The following C14orf39 variants were observed in gnomAD, a reference collection of about 807,000 sequenced individuals.
The protein encoded by C14orf39 is chromosome 14 open reading frame 39.
In C14orf39, 66 loss-of-function variants were observed where a neutral mutation model predicts 85.6. That is an observed-to-expected ratio of 0.77 (90% confidence interval 0.63 to 0.95). C14orf39 has a LOEUF of 0.95. Ranked by LOEUF, C14orf39 falls within the 40% of genes least tolerant of loss-of-function variation. The pLI, the probability that C14orf39 is intolerant of heterozygous loss-of-function variation, is 0.00. For missense variants in C14orf39, 735 were observed against 663.9 expected (o/e 1.11, Z -1.18); for synonymous variants, 242 against 214.0 (o/e 1.13, Z -1.14).
Position 60,466,028 on chromosome 14 carries a change from TG to T in C14orf39, c.922del (p.Gln308SerfsTer48). The T allele has an allele frequency of 1.3e-6, 2 of 1,558,086 alleles. No homozygotes were observed. The highest frequency in any genetic ancestry group is 2.0e-5 in the Admixed American group (1 of 51,036). On this transcript the variant is annotated frameshift_variant, in exon 11 of 18. Coordinates refer to ENST00000321731, the MANE Select transcript of C14orf39 (RefSeq NM_174978.3). LOFTEE classifies it high-confidence loss of function. ...ADIKEESSAK[Q>X]SKLANIDFRQ... is the part of the protein sequence containing the mutation. Reference sequence around the variant, plus strand: ...AAAGTCAATATTGGCAAGCTTTGACTGCTTCGCAGAACTTTCTTCTTTTATA... The same window carrying T: ...AAAGTCAATATTGGCAAGCTTTGACTCTTCGCAGAACTTTCTTCTTTTATA...
At position 60,455,090 on chromosome 14, in the gene C14orf39, G is replaced by A. The variant is rs755404072; in HGVS notation, c.1414C>T (p.Leu472Phe). The A allele has an allele frequency of 6.3e-7, 1 of 1,575,776 alleles. No individual in the cohort carries two copies. The highest frequency in any genetic ancestry group is 8.6e-7 in the Non-Finnish European group (1 of 1,165,598). ...GAAGTATAACTCATAAGAAAAGAAAGTCCAGGGGATTCCTTTTCTGTTTGA... is the reference window on the plus strand; with the variant it reads ...GAAGTATAACTCATAAGAAAAGAAAATCCAGGGGATTCCTTTTCTGTTTGA... The part of the protein sequence containing the change: ...EVQTEKESPG[L>F]SFLMSYTSRS... The change falls in exon 16 of 18, where the codon CTT (leucine) becomes TTT (phenylalanine). Residue 472 changes from leucine to phenylalanine, a missense_variant. Coordinates refer to ENST00000321731, the MANE Select transcript of C14orf39 (RefSeq NM_174978.3).
intron 8 of C14orf39, among the ~76,000 whole-genome samples, chr14:60,468,829 C>T (rs1009991807): frequency 1.3e-5 from 2 of 151,366 alleles, no homozygotes; most frequent in Non-Finnish European, 3.0e-5. Context: ...AGGACAGTTA[C>T]CATATATTTT....
In C14orf39 at chr14:60,504,996, T is replaced by A. The variant is rs372789582; in HGVS notation, c.-143-5566A>T. On this transcript the variant is annotated intron_variant, in intron 1 of 5. Transcript: ENST00000556799. The stretch of plus-strand genomic sequence containing the variant: ...ACTTAACAATATAAACAATTCTGCA[T>A]CACTTTAAAATGTCATTTAAAAATA... 2.0e-5 allele frequency among the ~76,000 whole-genome samples: 3 copies of A among 152,330 alleles called. No homozygotes were observed. In the South Asian group the frequency reaches 6.2e-4, roughly 32 times the overall value.
intron 16 of C14orf39, among the ~76,000 whole-genome samples, chr14:60,446,211 T>C (rs1407716000): frequency 6.6e-6 from 1 of 151,896 alleles, no homozygotes; most frequent in Non-Finnish European, 1.5e-5. Context: ...ATAACTAAGA[T>C]CAGAGCAGAA....
chr14:60,495,254 C>T (rs1893052570), intron 2 of C14orf39: 1 of 217,128 alleles, frequency 4.6e-6, no homozygotes. Context: ...TCAATGTTCT[C>T]CACCAGTTGC....
chr14:60,457,501 AATTAC>A (rs1211968735), intron 14 of C14orf39, among the ~76,000 whole-genome samples: 1 of 152,004 alleles, frequency 6.6e-6, no homozygotes, highest in African/African-American at 2.4e-5. Flanking sequence ...CTCATTGATT[AATTAC>A]ATTTTCACAC....
Position 60,485,079 on chromosome 14 carries a change from C to T in C14orf39, c.-1G>A, listed in dbSNP as rs1892819550. 1 of 1,607,870 alleles carries T rather than the reference C, an allele frequency of 6.2e-7. No individual in the cohort carries two copies. Among genetic ancestry groups the T allele is most frequent in the African/African-American group, 1.3e-5 (1 of 74,286 alleles). On this transcript the variant is annotated 5_prime_UTR_variant, in exon 2 of 18. Coordinates refer to ENST00000321731, the MANE Select transcript of C14orf39 (RefSeq NM_174978.3). ...AACTGACAAACAGGCTGTCATTCATCTTGGATACTATGTTAAATGAAAAAA... is the reference window on the plus strand; with the variant it reads ...AACTGACAAACAGGCTGTCATTCATTTTGGATACTATGTTAAATGAAAAAA...
intron 5 of C14orf39, among the ~76,000 whole-genome samples, chr14:60,477,740 T>C (rs1260595914): frequency 2.6e-5 from 4 of 152,216 alleles, no homozygotes; most frequent in Admixed American, 2.0e-4. Context: ...CATTAATTGA[T>C]GGACTCTGCT....
At position 60,484,912 on chromosome 14, in the gene C14orf39, A is replaced by T. The variant is rs1435250218; in HGVS notation, c.75T>A (p.Ser25Arg). The T allele has an allele frequency of 6.4e-7, 1 of 1,570,328 alleles. No individual in the cohort carries two copies. Among genetic ancestry groups the T allele is most frequent in the Non-Finnish European group, 8.7e-7 (1 of 1,154,374 alleles). Residue 25 changes from serine (S) to arginine (R), a missense_variant, in exon 3 of 18, where the codon AGT becomes AGA. Transcript: ENST00000321731. This position sits in a 1 kb window ranked among gnomAD's most constrained non-coding sequence, Gnocchi z 4.2. ...EFVFQYEQDI[S>R]TKEEMIQRIN... ...TTCTTTGAATCATCTCTTCTTTAGTACTTATGTCTTGCTCATACTGGAAGA... is the reference window on the plus strand; with the variant it reads ...TTCTTTGAATCATCTCTTCTTTAGTTCTTATGTCTTGCTCATACTGGAAGA...
chr14:60,514,244 AG>A (rs759893118), intron 1 of C14orf39, among the ~76,000 whole-genome samples: 39 of 152,226 alleles, frequency 2.6e-4, no homozygotes, highest in South Asian at 6.2e-4. Context: ...GGGGAAAAAA[AG>A]TCCAGGTAAT....
At chr14:60,488,856 C>T (rs1892943284), upstream of C14orf39, among the ~76,000 whole-genome samples, 1 of 151,888 alleles carries the variant, frequency 6.6e-6, no homozygotes, top group Non-Finnish European at 1.5e-5. Context: ...TACTCTCTTC[C>T]ATACTTGGTT....
rs1355343449 is a variant in C14orf39, at chr14:60,483,694, C to T, written c.230G>A (p.Arg77Lys). ...KHSEEIKDNC[R>K]NWKPTCDVFR... ...ATTGATTCTTTCAAATACTCACTTTCTACAGTTGTCTTTAATCTCCTCACT... is the reference window on the plus strand; with the variant it reads ...ATTGATTCTTTCAAATACTCACTTTTTACAGTTGTCTTTAATCTCCTCACT... The change falls in exon 4 of 18, where the codon AGA becomes AAA. Residue 77 changes from arginine (R) to lysine (K), a missense_variant. Physicochemically the swap from Arg to Lys is conservative, Grantham distance 26. Coordinates refer to ENST00000321731, the MANE Select transcript of C14orf39 (RefSeq NM_174978.3). 3.2e-6 allele frequency: 5 copies of T among 1,583,438 alleles called. No individual in the cohort carries two copies. The highest frequency in any genetic ancestry group is 4.3e-6 in the Non-Finnish European group (5 of 1,167,416).
Position 60,456,940 on chromosome 14 carries a change from G to T in C14orf39, c.1335C>A (p.Phe445Leu), listed in dbSNP as rs116107793. The change falls in exon 15 of 18, where the codon TTC (phenylalanine) becomes TTA (leucine). Residue 445 changes from phenylalanine to leucine, a missense_variant. Phe to Leu is a conservative substitution (Grantham distance 22, BLOSUM62 0). Coordinates refer to ENST00000321731, the MANE Select transcript of C14orf39 (RefSeq NM_174978.3). Reference protein sequence around the residue: ...KAPESLEKIKFPKTPPFEINR... With the variant: ...KAPESLEKIKLPKTPPFEINR... ...ACATTTCGAACGGGGGGGTTTTAGG[G>T]AATTTTATTTTCTCCAATGACTCAG... 1,077 of 1,575,414 alleles carry T rather than the reference G, an allele frequency of 6.8e-4. 7 individuals carry two copies. In the African/African-American group the frequency reaches 0.013, roughly 19 times the overall value.
At chr14:60,443,541 A>T (rs1325087939) in intron 16 of C14orf39, among the ~76,000 whole-genome samples, 1 of 152,224 alleles carries the variant, frequency 6.6e-6, no homozygotes, top group Non-Finnish European at 1.5e-5. Flanking sequence ...GGGGGAGCCC[A>T]CCACAGCTCA....
upstream of C14orf39, among the ~76,000 whole-genome samples, chr14:60,489,878 C>A (rs993953852): frequency 1.3e-5 from 2 of 152,168 alleles, no homozygotes; most frequent in African/African-American, 4.8e-5. Flanking sequence ...CACAGTCTCC[C>A]TCCTCTTTTC....
intron 16 of C14orf39, among the ~76,000 whole-genome samples, chr14:60,454,041 T>C (rs1472377682): frequency 2.0e-5 from 3 of 151,912 alleles, no homozygotes; most frequent in African/African-American, 2.4e-5. Context: ...TAAGTAACTA[T>C]AGTCTACTTT....
intron 15 of C14orf39, among the ~76,000 whole-genome samples, chr14:60,456,128 AC>A (rs1891264765): frequency 6.6e-6 from 1 of 152,046 alleles, no homozygotes; most frequent in Non-Finnish European, 1.5e-5. Flanking sequence ...ATGCAAAACA[AC>A]CCTGATGCAG....
upstream of C14orf39, among the ~76,000 whole-genome samples, chr14:60,488,396 A>T (rs1257826062): frequency 6.6e-6 from 1 of 152,134 alleles, no homozygotes; most frequent in Non-Finnish European, 1.5e-5. Context: ...GTTTTAAATA[A>T]ATTTTATTTC....
chr14:60,469,797 A>C, intron 7 of C14orf39, 144 bp from the exon 8 acceptor site: 1 of 387,204 alleles, frequency 2.6e-6, no homozygotes, highest in Non-Finnish European at 4.4e-6. Flanking sequence ...CAGTATCTGA[A>C]AACAGGAGAA....
Sources: allele counts gnomAD v4.1 joint callset (sites outside exome capture counted in the v4.1 genomes callset), GRCh38; gene constraint gnomAD v4.1.1; non-coding constraint Gnocchi (gnomAD v3.1); transcripts MANE v1.5; gene names NCBI Gene and HGNC (gene_info 2026-07-23, HGNC 2026-07-21).